WWOX: variants seen among roughly 807,000 people sequenced by gnomAD.
WWOX encodes the protein WW domain containing oxidoreductase, also known as WW domain-containing oxidoreductase.
In WWOX, 69 loss-of-function variants were observed where a neutral mutation model predicts 46.2. That is an observed-to-expected ratio of 1.49 (90% CI 1.23 to 1.82). The LOEUF (loss-of-function observed/expected upper bound fraction) is 1.82, where lower values mean the gene tolerates loss of function less well. Among genes scored for constraint, WWOX ranks in the 40% most tolerant of loss-of-function variants. WWOX has a pLI of 0.00. For synonymous variants in WWOX, 359 were observed against 202.6 expected (o/e 1.77, Z -6.56); for missense variants, 919 against 542.6 (o/e 1.69, Z -6.89).
intron 8 of WWOX, among the ~76,000 whole-genome samples, chr16:78,433,257 T>C (rs2083264878): frequency 6.6e-6 from 1 of 152,144 alleles, no homozygotes; most frequent in Non-Finnish European, 1.5e-5. Flanking sequence ...CTTTGATAGC[T>C]AGGAGTGTGT....
At chr16:78,760,941 G>C (rs1045301757) in intron 8 of WWOX, among the ~76,000 whole-genome samples, 3 of 152,146 alleles carry the variant, frequency 2.0e-5, no homozygotes, top group African/African-American at 7.2e-5. Context: ...AGCTTGTGCA[G>C]GGAAACTCCG....
chr16:78,655,757 GT>G (rs1303448604), intron 8 of WWOX, among the ~76,000 whole-genome samples: 2 of 152,118 alleles, frequency 1.3e-5, no homozygotes, highest in African/African-American at 4.8e-5. Flanking sequence ...ATGTTCTTCT[GT>G]GAACAATTAT....
At chr16:78,910,293 T>G (rs1238160775) in intron 8 of WWOX, among the ~76,000 whole-genome samples, 1 of 152,008 alleles carries the variant, frequency 6.6e-6, no homozygotes, top group Non-Finnish European at 1.5e-5. Flanking sequence ...TGGACTCACA[T>G]GACAAAATGG....
chr16:78,576,638 G>A (rs1236271670), intron 8 of WWOX, among the ~76,000 whole-genome samples: 1 of 152,182 alleles, frequency 6.6e-6, no homozygotes, highest in Non-Finnish European at 1.5e-5. Flanking sequence ...TTTGTGACCA[G>A]CCTGGGCACT....
rs1555543045 is a variant in WWOX at position 78,144,450 on chromosome 16, CATATATATATAT to C, written c.410-19731_410-19720del. Among the ~76,000 whole-genome samples, 4 of 24,926 alleles carry C rather than the reference CATATATATATAT, an allele frequency of 1.6e-4. 1 individual carries two copies. Among genetic ancestry groups the C allele is most frequent in the African/African-American group, 2.4e-4 (2 of 8,296 alleles). The allele number at this position is 24,926 out of a possible 152,430, so 16.4% of individuals were successfully genotyped here. ...ATTACTATATATATATATATATACA[CATATATATATAT>C]ACACACATATATATATATATATATA... On this transcript the variant is annotated intron_variant, in intron 4 of 8. Transcript: ENST00000566780.
At chr16:79,194,689 C>T (rs985799837) in intron 8 of WWOX, among the ~76,000 whole-genome samples, 2 of 152,196 alleles carry the variant, frequency 1.3e-5, no homozygotes, top group Non-Finnish European at 1.5e-5. Flanking sequence ...AGCCCCCGCT[C>T]TGCTGAGTCA....
intron 8 of WWOX, among the ~76,000 whole-genome samples, chr16:78,494,424 A>G (rs1372266904): frequency 1.3e-5 from 2 of 152,208 alleles, no homozygotes; most frequent in African/African-American, 4.8e-5. Context: ...TTCAAATCTC[A>G]AAGTGATGTC....
At chr16:78,669,899 C>T (rs1362591006) in intron 8 of WWOX, among the ~76,000 whole-genome samples, 1 of 152,120 alleles carries the variant, frequency 6.6e-6, no homozygotes, top group Non-Finnish European at 1.5e-5. Context: ...TTTTCTTGCA[C>T]ATGTACTGCT....
chr16:78,973,841 C>A (rs936096150), intron 8 of WWOX, among the ~76,000 whole-genome samples: 1 of 152,214 alleles, frequency 6.6e-6, no homozygotes, highest in African/African-American at 2.4e-5. Flanking sequence ...GAGCCGAGAG[C>A]CCCTGCTTCC....
chr16:78,948,891 G>C (rs1334713160), intron 8 of WWOX, among the ~76,000 whole-genome samples: 1 of 152,140 alleles, frequency 6.6e-6, no homozygotes, highest in Non-Finnish European at 1.5e-5. Context: ...AAGCAGAAGG[G>C]GAAGGTGGAC....
chr16:78,385,098 C>T (rs1234998125), intron 5 of WWOX, among the ~76,000 whole-genome samples: 2 of 147,196 alleles, frequency 1.4e-5, no homozygotes, highest in Admixed American at 1.3e-4. Context: ...GGTGCCACTG[C>T]ACTTCAGCCT....
chr16:79,043,266 G>C (rs543953648), intron 8 of WWOX, among the ~76,000 whole-genome samples: 1 of 151,958 alleles, frequency 6.6e-6, no homozygotes, highest in Admixed American at 6.6e-5. Context: ...AATGAACTTC[G>C]TGAATTAAAC....
intron 8 of WWOX, among the ~76,000 whole-genome samples, chr16:78,795,306 G>T (rs2050708243): frequency 6.6e-6 from 1 of 152,134 alleles, no homozygotes; most frequent in South Asian, 2.1e-4. Flanking sequence ...TAAGTAGAGG[G>T]TAGATTTTAA....
chr16:79,039,902 G>A (rs1330459322), intron 8 of WWOX, among the ~76,000 whole-genome samples: 1 of 152,146 alleles, frequency 6.6e-6, no homozygotes, highest in African/African-American at 2.4e-5. Flanking sequence ...CTGATACGCT[G>A]GGCTCCATGC....
intron 4 of WWOX, among the ~76,000 whole-genome samples, chr16:78,138,786 G>A (rs577484966): frequency 6.6e-6 from 1 of 152,294 alleles, no homozygotes; most frequent in South Asian, 2.1e-4. Flanking sequence ...GAGTCCCAGC[G>A]AAGTGCTTAA....
chr16:79,100,770 A>G (rs1046688546), intron 8 of WWOX, among the ~76,000 whole-genome samples: 3 of 152,066 alleles, frequency 2.0e-5, no homozygotes, highest in Admixed American at 2.0e-4. Flanking sequence ...GGGCTTGCAG[A>G]AATAGGCCTT....
Position 78,342,748 on chromosome 16 carries a change from C to T in WWOX, c.517-44112C>T, listed in dbSNP as rs925028354. Reference sequence around the variant, plus strand: ...ATAGCACCATTACTCCCAAAAATTGCAGGTTTGAAAGGGTACCTAAAAACA... The same window carrying T: ...ATAGCACCATTACTCCCAAAAATTGTAGGTTTGAAAGGGTACCTAAAAACA... On this transcript the variant is annotated intron_variant, in intron 5 of 8. Transcript: ENST00000566780. Among the ~76,000 whole-genome samples the T allele has an allele frequency of 5.0e-5, 6 of 120,578 alleles. 2 individuals carry two copies. Among genetic ancestry groups the T allele is most frequent in the Non-Finnish European group, 9.9e-5 (5 of 50,446 alleles). The allele number at this position is 120,578 out of a possible 152,430, so 79.1% of individuals were successfully genotyped here.
chr16:78,254,172 G>A (rs1475674308), intron 5 of WWOX, among the ~76,000 whole-genome samples: 1 of 151,970 alleles, frequency 6.6e-6, no homozygotes, highest in Non-Finnish European at 1.5e-5. Flanking sequence ...CCAGGCTCAA[G>A]CGATCCTCCT....
intron 8 of WWOX, among the ~76,000 whole-genome samples, chr16:78,675,941 C>T (rs1237534567): frequency 6.6e-6 from 1 of 152,008 alleles, no homozygotes; most frequent in African/African-American, 2.4e-5. Context: ...AAATTTAAAT[C>T]CTTCTCTGTC....
Sources: allele counts gnomAD v4.1 joint callset (sites outside exome capture counted in the v4.1 genomes callset), GRCh38; gene constraint gnomAD v4.1.1; transcripts MANE v1.5; gene names NCBI Gene and HGNC (gene_info 2026-07-23, HGNC 2026-07-21).